Variants in TEAD1 observed in about 807,000 individuals in gnomAD.
TEAD1 encodes transcriptional enhancer factor TEF-1.
Under a neutral mutation model 54.9 loss-of-function variants are expected in TEAD1, and 9 were observed. The ratio of observed to expected loss-of-function variants is 0.16; its 90% CI spans 0.10 to 0.29. TEAD1 has a LOEUF of 0.29. TEAD1 is among the 10% of genes least tolerant of loss of function. TEAD1 has a pLI of 1.00. For synonymous variants in TEAD1, 200 were observed against 187.8 expected, an observed-to-expected ratio of 1.07 and a Z score of -0.53; for missense variants, 387 against 535.9, an observed-to-expected ratio of 0.72 and a Z score of 2.74.
At chr11:12,717,314 G>A (rs1944086394) in intron 2 of TEAD1, among the ~76,000 whole-genome samples, 1 of 152,142 alleles carries the variant, frequency 6.6e-6, no homozygotes, top group Admixed American at 6.5e-5. Flanking sequence ...TCTGTCACTG[G>A]TAGGGTCTAG....
intron 5 of TEAD1, among the ~76,000 whole-genome samples, chr11:12,866,675 G>C (rs1947624457): frequency 6.6e-6 from 1 of 152,194 alleles, no homozygotes; most frequent in South Asian, 2.1e-4. Flanking sequence ...AGAAGCAGTA[G>C]GATAGCAACT....
At chr11:12,770,869 G>C (rs896658779) in intron 3 of TEAD1, among the ~76,000 whole-genome samples, 2 of 152,234 alleles carry the variant, frequency 1.3e-5, no homozygotes, top group African/African-American at 4.8e-5. Flanking sequence ...GCATGAGACA[G>C]ACAGACTTAG....
chr11:12,779,730 G>T (rs1210155715), intron 3 of TEAD1, among the ~76,000 whole-genome samples: 2 of 152,170 alleles, frequency 1.3e-5, no homozygotes, highest in African/African-American at 4.8e-5. Flanking sequence ...TTAATATACA[G>T]TGACCAAGTG....
At chr11:12,774,633 G>A (rs1036028833) in intron 3 of TEAD1, among the ~76,000 whole-genome samples, 2 of 152,188 alleles carry the variant, frequency 1.3e-5, no homozygotes, top group African/African-American at 4.8e-5. Flanking sequence ...AGCTCTTTGA[G>A]CCTTGTTGCC....
chr11:12,690,911 A>G (rs893282710), intron 2 of TEAD1, among the ~76,000 whole-genome samples: 2 of 152,132 alleles, frequency 1.3e-5, no homozygotes, highest in Admixed American at 6.6e-5. Context: ...GTGCGCCACC[A>G]TGCCTGGCTA....
chr11:12,867,174 T>G (rs1172604277), intron 5 of TEAD1, among the ~76,000 whole-genome samples: 1 of 152,114 alleles, frequency 6.6e-6, no homozygotes, highest in Non-Finnish European at 1.5e-5. Flanking sequence ...TCAGATCTTT[T>G]TGCACCCTAA....
intron 3 of TEAD1, chr11:12,851,203 A>G: frequency 3.4e-6 from 2 of 596,088 alleles, no homozygotes; most frequent in Non-Finnish European, 4.2e-6. Context: ...TATACAGAGT[A>G]GAGAAAAAAC....
At chr11:12,930,088 T>C in intron 11 of TEAD1, 86 bp from the exon 12 acceptor site, 1 of 1,546,868 alleles carries the variant, frequency 6.5e-7, no homozygotes, top group Non-Finnish European at 8.9e-7. Context: ...GTTGAAAAAC[T>C]AAAATGCTTT....
intron 11 of TEAD1, among the ~76,000 whole-genome samples, chr11:12,926,997 A>G (rs994852679): frequency 1.3e-5 from 2 of 152,208 alleles, no homozygotes; most frequent in Admixed American, 6.5e-5. Flanking sequence ...TGTAGTTGAA[A>G]TTCCCTGCCT....
At chr11:12,739,907 G>A (rs1944617822) in intron 2 of TEAD1, among the ~76,000 whole-genome samples, 1 of 152,232 alleles carries the variant, frequency 6.6e-6, no homozygotes, top group Non-Finnish European at 1.5e-5. Context: ...GTAGTTGTAT[G>A]TATAAAGTAC....
At chr11:12,773,313 T>C (rs1274526610) in intron 3 of TEAD1, among the ~76,000 whole-genome samples, 1 of 152,236 alleles carries the variant, frequency 6.6e-6, no homozygotes, top group African/African-American at 2.4e-5. Flanking sequence ...CTGGCTCATA[T>C]GGTATTTGTA....
chr11:12,898,164 A>C (rs906720252), intron 9 of TEAD1, among the ~76,000 whole-genome samples: 4 of 152,132 alleles, frequency 2.6e-5, no homozygotes, highest in African/African-American at 9.7e-5. Context: ...CACAGGTGAG[A>C]GGCCCACACT....
intron 12 of TEAD1, among the ~76,000 whole-genome samples, chr11:12,931,481 T>G (rs542758291): frequency 2.0e-5 from 3 of 152,380 alleles, no homozygotes; most frequent in African/African-American, 7.2e-5. Flanking sequence ...GTTACTAGGA[T>G]TAAGAATCCA....
chr11:12,732,200 C>T (rs1944438176), intron 2 of TEAD1, among the ~76,000 whole-genome samples: 1 of 152,078 alleles, frequency 6.6e-6, no homozygotes, highest in Non-Finnish European at 1.5e-5. Context: ...CTCTATCATC[C>T]TTCATAGTCA....
chr11:12,881,133 T>G (rs1302350028), intron 7 of TEAD1, 82 bp downstream of exon 7: 1 of 1,474,002 alleles, frequency 6.8e-7, no homozygotes, highest in Non-Finnish European at 9.5e-7. Flanking sequence ...GACCATAGTG[T>G]CTCAGGGCCT....
intron 10 of TEAD1, among the ~76,000 whole-genome samples, chr11:12,919,139 A>G (rs1948763015): frequency 6.6e-6 from 1 of 152,238 alleles, no homozygotes; most frequent in Non-Finnish European, 1.5e-5. Context: ...TAACTTTGAC[A>G]GCTTTAAAAC....
chr11:12,921,913 A>T (rs11603839), intron 10 of TEAD1, among the ~76,000 whole-genome samples: 314 of 152,312 alleles, frequency 2.1e-3, no homozygotes, highest in Non-Finnish European at 3.5e-3. Context: ...TTTGAATGTG[A>T]GAAAAATGCA....
intron 2 of TEAD1, among the ~76,000 whole-genome samples, chr11:12,740,169 T>C (rs1944623465): frequency 6.6e-6 from 1 of 152,210 alleles, no homozygotes; most frequent in Admixed American, 6.5e-5. Context: ...TCCTGGCTCT[T>C]CCACTTCTCT....
intron 10 of TEAD1, among the ~76,000 whole-genome samples, chr11:12,909,371 G>A (rs558702544): frequency 6.6e-6 from 1 of 152,244 alleles, no homozygotes; most frequent in East Asian, 1.9e-4. Flanking sequence ...CATGTCCTTT[G>A]CAGGGACATG....
Sources: gnomAD v4.1 joint callset for allele counts (sites outside exome capture counted in the v4.1 genomes callset) on GRCh38, gnomAD v4.1.1 for gene constraint, MANE v1.5 for transcripts, NCBI Gene and HGNC (gene_info 2026-07-23, HGNC 2026-07-21) for gene names.